PRH1: variants seen among roughly 807,000 people sequenced by gnomAD.
PRH1 encodes the protein proline rich protein HaeIII subfamily 1, also known as salivary acidic proline-rich phosphoprotein 1/2.
Under a neutral mutation model 7.9 loss-of-function variants are expected in PRH1, and 7 were observed. The ratio of observed to expected loss-of-function variants is 0.89; its 90% CI spans 0.50 to 1.67. The LOEUF (loss-of-function observed/expected upper bound fraction) is 1.67. Ranked by LOEUF, PRH1 falls within the 40% of genes most tolerant of loss-of-function variation. PRH1 has a pLI of 0.00. For missense variants in PRH1, 109 were observed against 223.6 expected, an observed-to-expected ratio of 0.49 and a Z score of 3.27; for synonymous variants, 45 against 80.8, an observed-to-expected ratio of 0.56 and a Z score of 2.38.
At chr12:11,161,249 T>C (rs1298820680) in intron 1 of PRH1, among the ~76,000 whole-genome samples, 1 of 152,218 alleles carries the variant, frequency 6.6e-6, no homozygotes, top group Non-Finnish European at 1.5e-5. Flanking sequence ...CTCAGACATA[T>C]CAGTACCATT....
At chr12:11,170,833 A>G (rs1947813222) in intron 1 of PRH1, among the ~76,000 whole-genome samples, 1 of 152,200 alleles carries the variant, frequency 6.6e-6, no homozygotes, top group Non-Finnish European at 1.5e-5. Flanking sequence ...TAAGATTGTG[A>G]TCCTTTTTAT....
chr12:10,953,937 G>A (rs1249983184), intron 2 of PRH1, among the ~76,000 whole-genome samples: 2 of 152,246 alleles, frequency 1.3e-5, no homozygotes, highest in African/African-American at 4.8e-5. Context: ...CTACAACCAG[G>A]AAGAGATGGG....
At chr12:11,124,684 A>T (rs1254068147) in intron 1 of PRH1, among the ~76,000 whole-genome samples, 1 of 152,248 alleles carries the variant, frequency 6.6e-6, no homozygotes, top group Non-Finnish European at 1.5e-5. Context: ...TTCAAAAATA[A>T]ATCATTTAAT....
intron 1 of PRH1, among the ~76,000 whole-genome samples, chr12:11,168,666 C>T (rs1391442181): frequency 6.6e-6 from 1 of 152,150 alleles, no homozygotes; most frequent in African/African-American, 2.4e-5. Flanking sequence ...AAGGCTCCTA[C>T]TATCTGGAAA....
chr12:11,035,625 T>C (rs1462677886), intron 1 of PRH1, among the ~76,000 whole-genome samples: 2 of 152,182 alleles, frequency 1.3e-5, no homozygotes. Flanking sequence ...CATATTTTTC[T>C]TTTTGTAATA....
intron 1 of PRH1, among the ~76,000 whole-genome samples, chr12:11,038,639 A>G (rs778431587): frequency 1.2e-4 from 18 of 152,220 alleles, no homozygotes; most frequent in Non-Finnish European, 2.6e-4. Context: ...TGATCACTGT[A>G]TAGTATTCCA....
chr12:10,996,456 T>G (rs1940240379), intron 1 of PRH1: 1 of 151,990 alleles, frequency 6.6e-6, no homozygotes, highest in Non-Finnish European at 1.5e-5. Context: ...ACAATGATAG[T>G]TAAACAGTTA....
chr12:11,105,935 T>A lies in PRH1; in HGVS notation n.124-58747A>T, dbSNP rs1225981684. ...CTCCTAATACTTTTGAATAACTTAT[T>A]CTTTTTTTTTTTTTTTTTTTTTTGA... On this transcript the variant is annotated intron_variant and non_coding_transcript_variant, in intron 1 of 4. Coordinates refer to the PRH1 transcript ENST00000541977. 2.8e-5 allele frequency among the ~76,000 whole-genome samples: 3 copies of A among 107,628 alleles called. 1 individual carries two copies. Among genetic ancestry groups the A allele is most frequent in the Non-Finnish European group, 6.6e-5 (3 of 45,752 alleles). The allele number at this position is 107,628 out of a possible 152,430, so 70.6% of individuals were successfully genotyped here.
At chr12:11,102,556 G>T (rs1214166147) in intron 1 of PRH1, among the ~76,000 whole-genome samples, 6 of 152,180 alleles carry the variant, frequency 3.9e-5, no homozygotes, top group African/African-American at 7.2e-5. Flanking sequence ...ATGGATTAAA[G>T]ACTTAAATGT....
intron 2 of PRH1, among the ~76,000 whole-genome samples, chr12:10,954,378 G>GTGAT (rs1365553725): frequency 6.6e-6 from 1 of 152,200 alleles, no homozygotes; most frequent in Admixed American, 6.5e-5. Flanking sequence ...CTTACATGCA[G>GTGAT]TGATACCCAT....
chr12:10,970,803 G>A (rs1938776084), intron 2 of PRH1, among the ~76,000 whole-genome samples: 1 of 142,284 alleles, frequency 7.0e-6, no homozygotes, highest in African/African-American at 2.6e-5. Context: ...CTGACCTCAG[G>A]TGATCCACCC....
intron 1 of PRH1, among the ~76,000 whole-genome samples, chr12:11,121,569 A>G (rs759764973): frequency 6.6e-6 from 1 of 152,248 alleles, no homozygotes; most frequent in African/African-American, 2.4e-5. Flanking sequence ...CACATAAAAA[A>G]TTATAACAGC....
intron 1 of PRH1, among the ~76,000 whole-genome samples, chr12:11,122,580 A>C (rs1052557303): frequency 6.6e-6 from 1 of 152,286 alleles, no homozygotes; most frequent in African/African-American, 2.4e-5. Flanking sequence ...GTCAATAATT[A>C]AACCTAAAAG....
intron 1 of PRH1, among the ~76,000 whole-genome samples, chr12:11,033,967 T>C (rs34830786): frequency 0.44 from 65,737 of 150,300 alleles, 15,151 homozygotes; most frequent in Non-Finnish European, 0.51. Context: ...ACTTTCCAAG[T>C]CCCTAAACCC....
intron 2 of PRH1, among the ~76,000 whole-genome samples, chr12:10,897,342 C>A (rs1430346008): frequency 6.6e-6 from 1 of 152,178 alleles, no homozygotes; most frequent in Non-Finnish European, 1.5e-5. Flanking sequence ...ATTGACATTT[C>A]TATGTATTTC....
rs60186756 is a variant in PRH1, at chr12:10,939,551, G to GTT, written c.-59+34102_-59+34103dup. On this transcript the variant is annotated intron_variant, in intron 2 of 3. Coordinates refer to the PRH1 transcript ENST00000539853. ...CATATTTATTTTCATTGGTTTGTGT[G>GTT]TTTTTTTTTTTTTTTTTTGTCTTAT... 5.6e-3 allele frequency among the ~76,000 whole-genome samples: 685 copies of GTT among 123,276 alleles called. 5 individuals carry two copies. Among genetic ancestry groups the GTT allele is most frequent in the Middle Eastern group, 0.039 (9 of 228 alleles). The allele number at this position is 123,276 out of a possible 152,430, so 80.9% of individuals were successfully genotyped here.
rs368781818 is a variant in PRH1, at chr12:10,938,976, T to C, written c.-59+34679A>G. On this transcript the variant is annotated intron_variant, in intron 2 of 3. Transcript: ENST00000539853. Reference sequence around the variant, plus strand: ...GTAAGCATTCTGAACATTTTTTCAGTGGCAAATAAAGCTGGGAAAAACACA... The same window carrying C: ...GTAAGCATTCTGAACATTTTTTCAGCGGCAAATAAAGCTGGGAAAAACACA... The C allele has an allele frequency of 8.1e-6, 13 of 1,613,244 alleles. No individual in the cohort carries two copies. The highest frequency in any genetic ancestry group is 1.3e-5 in the African/African-American group (1 of 74,872).
intron 1 of PRH1, among the ~76,000 whole-genome samples, chr12:11,167,353 A>G (rs1315088919): frequency 6.6e-6 from 1 of 151,422 alleles, no homozygotes; most frequent in African/African-American, 2.4e-5. Context: ...AATTTCAGCC[A>G]TTTTCTTGTT....
At chr12:10,912,868 C>G (rs1357788858) in intron 2 of PRH1, among the ~76,000 whole-genome samples, 1 of 151,846 alleles carries the variant, frequency 6.6e-6, no homozygotes, top group African/African-American at 2.4e-5. Context: ...AATGTGTATC[C>G]TGTAGCTTTG....
Sources: allele counts gnomAD v4.1 joint callset (sites outside exome capture counted in the v4.1 genomes callset), GRCh38; gene constraint gnomAD v4.1.1; transcripts MANE v1.5; gene names NCBI Gene and HGNC (gene_info 2026-07-23, HGNC 2026-07-21).